Variants in NEK7 observed in about 807,000 individuals in gnomAD.
NEK7 encodes serine/threonine-protein kinase Nek7.
Under a neutral mutation model 44.6 loss-of-function variants are expected in NEK7, and 18 were observed. That is an observed-to-expected ratio of 0.40 (90% CI 0.28 to 0.60). The LOEUF is 0.60. NEK7 is among the 20% of genes least tolerant of loss of function. The probability of loss-of-function intolerance (pLI) is 0.38; values close to 1 mark genes in which losing one functional copy is unlikely to be tolerated. For synonymous variants in NEK7, 130 were observed against 121.1 expected, an observed-to-expected ratio of 1.07 and a Z score of -0.48; for missense variants, 256 against 366.5, an observed-to-expected ratio of 0.70 and a Z score of 2.46.
At chr1:198,235,159 A>G (rs942058055) in intron 2 of NEK7, among the ~76,000 whole-genome samples, 6 of 152,118 alleles carry the variant, frequency 3.9e-5, no homozygotes, top group African/African-American at 1.4e-4. Context: ...AGTGTCAAAT[A>G]CCAATTCCCT....
At chr1:198,291,419 AGCTT>A (rs755490220) in intron 7 of NEK7, among the ~76,000 whole-genome samples, 6 of 152,346 alleles carry the variant, frequency 3.9e-5, no homozygotes, top group Non-Finnish European at 8.8e-5. Context: ...AAAGCTAGAT[AGCTT>A]GTGTTTATTT....
intron 1 of NEK7, among the ~76,000 whole-genome samples, chr1:198,225,880 G>T (rs1190625337): frequency 4.6e-5 from 7 of 152,044 alleles, no homozygotes; most frequent in African/African-American, 1.7e-4. Context: ...CAGATTTGTT[G>T]AATGTGATGA....
chr1:198,292,884 G>T (rs2103007614), intron 7 of NEK7, 61 bp from the exon 8 acceptor site: 2 of 894,582 alleles, frequency 2.2e-6, no homozygotes, highest in South Asian at 2.8e-5. Flanking sequence ...TGTAGTTTCT[G>T]ACCACAGCTG....
intron 1 of NEK7, among the ~76,000 whole-genome samples, chr1:198,205,153 G>A (rs1432732970): frequency 6.6e-6 from 1 of 152,178 alleles, no homozygotes; most frequent in Non-Finnish European, 1.5e-5. Flanking sequence ...CACTGAGCAT[G>A]AGCTGCTTCT....
chr1:198,306,136 T>G (rs891659071), intron 9 of NEK7, among the ~76,000 whole-genome samples: 1 of 152,156 alleles, frequency 6.6e-6, no homozygotes. Flanking sequence ...TTTATGAAGA[T>G]TGAATAAATT....
intron 1 of NEK7, among the ~76,000 whole-genome samples, chr1:198,176,484 G>C (rs1466965953): frequency 6.6e-6 from 1 of 152,084 alleles, no homozygotes; most frequent in East Asian, 1.9e-4. Flanking sequence ...GTACTTATGT[G>C]GGGGAAAGTA....
At chr1:198,287,832 A>G (rs1284481450) in intron 7 of NEK7, among the ~76,000 whole-genome samples, 1 of 151,978 alleles carries the variant, frequency 6.6e-6, no homozygotes, top group African/African-American at 2.4e-5. Flanking sequence ...TTTTTGTTAT[A>G]GGATTGCTTG....
intron 2 of NEK7, among the ~76,000 whole-genome samples, chr1:198,235,866 C>T (rs1342830957): frequency 6.6e-6 from 1 of 152,068 alleles, no homozygotes; most frequent in Admixed American, 6.6e-5. Context: ...AAAGACATGT[C>T]ACTCAGATCT....
chr1:198,186,587 G>T (rs886604986), intron 1 of NEK7, among the ~76,000 whole-genome samples: 1 of 152,164 alleles, frequency 6.6e-6, no homozygotes, highest in Non-Finnish European at 1.5e-5. Flanking sequence ...GATGTACAAG[G>T]ATGTGTGGGC....
chr1:198,175,107 A>G (rs550532905), intron 1 of NEK7, among the ~76,000 whole-genome samples: 19 of 152,196 alleles, frequency 1.2e-4, no homozygotes, highest in Non-Finnish European at 2.5e-4. Context: ...AAACTGTAGT[A>G]TGTAAATAAG....
In NEK7 at chr1:198,292,902, A is replaced by G. The variant is rs375193659; in HGVS notation, c.590-43A>G. 3 of 1,068,322 alleles carry G rather than the reference A, an allele frequency of 2.8e-6. No homozygotes were observed. In the African/African-American group the frequency reaches 4.7e-5, roughly 17 times the overall value. The allele number at this position is 1,068,322 out of a possible 1,614,324, so 66.2% of individuals were successfully genotyped here. A position where few individuals can be genotyped will look rare whatever the true frequency, so the allele number is the denominator to read the frequency against. The stretch of plus-strand genomic sequence containing the variant: ...AGTTTCTGACCACAGCTGTATCTTT[A>G]TTTTTATATACCTCTTACTTTATTT... On this transcript the variant is annotated intron_variant, in intron 7 of 9. Coordinates refer to ENST00000367385, the MANE Select transcript of NEK7 (RefSeq NM_133494.3).
intron 7 of NEK7, among the ~76,000 whole-genome samples, chr1:198,290,839 C>G (rs1480861237): frequency 6.6e-6 from 1 of 152,184 alleles, no homozygotes; most frequent in East Asian, 1.9e-4. Context: ...GAATCAGTAT[C>G]TAAATTTAAA....
At chr1:198,219,868 A>G (rs1666035212) in intron 1 of NEK7, among the ~76,000 whole-genome samples, 1 of 142,170 alleles carries the variant, frequency 7.0e-6, no homozygotes, top group East Asian at 2.1e-4. Context: ...TAATGTGATG[A>G]CTGCCAGGCT....
At chr1:198,253,873 G>T (rs1653163211) in intron 3 of NEK7, among the ~76,000 whole-genome samples, 1 of 152,062 alleles carries the variant, frequency 6.6e-6, no homozygotes, top group Non-Finnish European at 1.5e-5. Context: ...GCCCTAATGA[G>T]GTCCTCTGGC....
chr1:198,237,300 CTT>C (rs1427786764), intron 2 of NEK7, among the ~76,000 whole-genome samples: 1 of 152,154 alleles, frequency 6.6e-6, no homozygotes, highest in African/African-American at 2.4e-5. Context: ...GCTGGTGACT[CTT>C]TGTATCTCAA....
chr1:198,308,315 A>G (rs1436201986), intron 9 of NEK7, among the ~76,000 whole-genome samples: 2 of 152,176 alleles, frequency 1.3e-5, no homozygotes, highest in Non-Finnish European at 2.9e-5. Context: ...TATTTAATGT[A>G]TACAATTCAG....
At chr1:198,198,365 C>T (rs565509807) in intron 1 of NEK7, among the ~76,000 whole-genome samples, 17 of 152,068 alleles carry the variant, frequency 1.1e-4, no homozygotes, top group Non-Finnish European at 1.9e-4. Flanking sequence ...GTTACTAGTC[C>T]GGTGGCCAAG....
chr1:198,288,132 G>T (rs1558095847), intron 7 of NEK7, among the ~76,000 whole-genome samples: 1 of 152,186 alleles, frequency 6.6e-6, no homozygotes, highest in Non-Finnish European at 1.5e-5. Context: ...AGCACCTCTA[G>T]ATAGATCTTT....
At chr1:198,271,148 G>A (rs1653831708) in intron 5 of NEK7, among the ~76,000 whole-genome samples, 1 of 151,942 alleles carries the variant, frequency 6.6e-6, no homozygotes, top group South Asian at 2.1e-4. Context: ...TGACTTTTTT[G>A]AATGGCTCAC....
Sources: gnomAD v4.1 joint callset for allele counts (sites outside exome capture counted in the v4.1 genomes callset) on GRCh38, gnomAD v4.1.1 for gene constraint, MANE v1.5 for transcripts, NCBI Gene and HGNC (gene_info 2026-07-23, HGNC 2026-07-21) for gene names.